Variants in AGBL4 observed in about 807,000 individuals in gnomAD.
AGBL4 encodes the protein cytosolic carboxypeptidase 6.
Under a neutral mutation model 66.4 loss-of-function variants are expected in AGBL4, and 58 were observed. The ratio of observed to expected loss-of-function variants is 0.87; its 90% CI spans 0.71 to 1.09. The LOEUF (loss-of-function observed/expected upper bound fraction) is 1.09, where lower values mean the gene tolerates loss of function less well. Among genes scored for constraint, AGBL4 ranks in the 50% least tolerant of loss-of-function variants. The pLI is 0.00. For synonymous variants in AGBL4, 234 were observed against 222.9 expected (o/e 1.05, Z -0.44); for missense variants, 579 against 631.0 (o/e 0.92, Z 0.88).
At chr1:49,045,420 A>C (rs1396813002) in intron 5 of AGBL4, among the ~76,000 whole-genome samples, 164 bp downstream of exon 5, 1 of 152,226 alleles carries the variant, frequency 6.6e-6, no homozygotes, top group Non-Finnish European at 1.5e-5. Context: ...AGAATTGTTA[A>C]ATTAATACTA....
intron 4 of AGBL4, among the ~76,000 whole-genome samples, chr1:49,198,801 A>G (rs1164069028): frequency 2.0e-5 from 3 of 151,570 alleles, no homozygotes; most frequent in African/African-American, 7.3e-5. Context: ...GGCCTATCCT[A>G]AGGAATAAAT....
intron 1 of AGBL4, among the ~76,000 whole-genome samples, chr1:49,956,597 C>A (rs1439600099): frequency 2.6e-5 from 4 of 151,764 alleles, no homozygotes; most frequent in African/African-American, 9.7e-5. Context: ...CTTTGTTTTG[C>A]AAATTATAAA....
chr1:49,130,172 C>T (rs1645860250), intron 4 of AGBL4, among the ~76,000 whole-genome samples: 2 of 151,976 alleles, frequency 1.3e-5, no homozygotes. Flanking sequence ...TTTGTTTTTT[C>T]TTGTAAATTT....
chr1:49,224,616 CAA>C (rs377573639), intron 4 of AGBL4, among the ~76,000 whole-genome samples: 12 of 74,706 alleles, frequency 1.6e-4, no homozygotes, highest in Admixed American at 3.2e-4. Flanking sequence ...GACTCCCTCT[CAA>C]AAAAAAAAAA....
chr1:49,294,009 TG>T (rs1270894170), intron 3 of AGBL4, among the ~76,000 whole-genome samples: 1 of 152,202 alleles, frequency 6.6e-6, no homozygotes, highest in Non-Finnish European at 1.5e-5. Flanking sequence ...TTACCCTCTA[TG>T]GTTTTAAAGG....
intron 3 of AGBL4, among the ~76,000 whole-genome samples, chr1:49,248,914 C>T (rs1651842144): frequency 6.6e-6 from 1 of 152,010 alleles, no homozygotes; most frequent in South Asian, 2.1e-4. Context: ...TATATCAGAG[C>T]TCTGTAAATA....
At chr1:49,035,435 T>C (rs1230478872) in intron 5 of AGBL4, among the ~76,000 whole-genome samples, 1 of 152,166 alleles carries the variant, frequency 6.6e-6, no homozygotes, top group African/African-American at 2.4e-5. Context: ...AGAGGGTGAC[T>C]TGAAAGACAA....
At chr1:49,293,393 G>A (rs1235299026) in intron 3 of AGBL4, among the ~76,000 whole-genome samples, 2 of 152,164 alleles carry the variant, frequency 1.3e-5, no homozygotes, top group Admixed American at 6.5e-5. Context: ...CAAAACTCAG[G>A]CAAAGGTGCC....
At chr1:48,643,215 A>G (rs999421976) in intron 8 of AGBL4, among the ~76,000 whole-genome samples, 1 of 152,164 alleles carries the variant, frequency 6.6e-6, no homozygotes, top group Non-Finnish European at 1.5e-5. Context: ...TCTGTAAACC[A>G]TACAAGGGTA....
intron 5 of AGBL4, among the ~76,000 whole-genome samples, chr1:48,953,548 A>C (rs918181423): frequency 2.0e-5 from 3 of 152,198 alleles, no homozygotes; most frequent in Non-Finnish European, 4.4e-5. Flanking sequence ...AGGACTCATG[A>C]AGAAGAGTAT....
intron 8 of AGBL4, among the ~76,000 whole-genome samples, chr1:48,652,723 T>TGG (rs1645951175): frequency 1.3e-5 from 2 of 152,200 alleles, no homozygotes; most frequent in African/African-American, 4.8e-5. Context: ...TTTTGGCAGA[T>TGG]AATCTTCTGG....
downstream of AGBL4, among the ~76,000 whole-genome samples, chr1:48,528,366 C>A (rs1643890575): frequency 6.6e-6 from 1 of 152,112 alleles, no homozygotes; most frequent in Non-Finnish European, 1.5e-5. Flanking sequence ...GCAGCTGATG[C>A]CAGGGAGAGA....
intron 5 of AGBL4, among the ~76,000 whole-genome samples, chr1:48,873,229 C>G (rs1353926308): frequency 3.3e-5 from 5 of 152,182 alleles, no homozygotes; most frequent in Non-Finnish European, 2.9e-5. Context: ...ACTCTGAGCT[C>G]TAGCTATGAT....
intron 2 of AGBL4, among the ~76,000 whole-genome samples, chr1:49,749,477 TA>T (rs1305173397): frequency 2.3e-4 from 35 of 152,312 alleles, no homozygotes; most frequent in Admixed American, 6.5e-4. Flanking sequence ...ATTATAGTGC[TA>T]TTTACATAGA....
At chr1:49,874,572 A>T (rs1307789750) in intron 1 of AGBL4, among the ~76,000 whole-genome samples, 1 of 152,138 alleles carries the variant, frequency 6.6e-6, no homozygotes, top group Non-Finnish European at 1.5e-5. Flanking sequence ...TAAATATTGA[A>T]AAAAGTAGAA....
intron 6 of AGBL4, among the ~76,000 whole-genome samples, chr1:48,681,059 A>C (rs1376587978): frequency 6.6e-6 from 1 of 152,158 alleles, no homozygotes; most frequent in Non-Finnish European, 1.5e-5. Context: ...TACACTTTTA[A>C]AACTAGTGCC....
chr1:49,698,538 T>C (rs1159166766), intron 2 of AGBL4, among the ~76,000 whole-genome samples: 1 of 152,040 alleles, frequency 6.6e-6, no homozygotes, highest in African/African-American at 2.4e-5. Context: ...CCCAAAGTTA[T>C]ACAGCAAGTA....
intron 3 of AGBL4, among the ~76,000 whole-genome samples, chr1:49,584,218 C>A (rs1255542616): frequency 6.6e-6 from 1 of 152,140 alleles, no homozygotes; most frequent in African/African-American, 2.4e-5. Flanking sequence ...TTTATCAGGG[C>A]AGGAAGATTA....
At chr1:49,440,446 C>T (rs1267887074) in intron 3 of AGBL4, among the ~76,000 whole-genome samples, 1 of 152,172 alleles carries the variant, frequency 6.6e-6, no homozygotes, top group Non-Finnish European at 1.5e-5. Context: ...AAAATAAATG[C>T]TTTTGACACT....
Sources: gnomAD v4.1 joint callset for allele counts (sites outside exome capture counted in the v4.1 genomes callset) on GRCh38, gnomAD v4.1.1 for gene constraint, MANE v1.5 for transcripts, NCBI Gene and HGNC (gene_info 2026-07-23, HGNC 2026-07-21) for gene names.